The following GNG7 variants were observed in gnomAD, a reference collection of about 807,000 sequenced individuals.
The protein encoded by GNG7 is G protein subunit gamma 7.
A neutral mutation model predicts 4.0 loss-of-function variants in GNG7; 1 was observed. That is an observed-to-expected ratio of 0.25 (90% confidence interval 0.09 to 1.18). The LOEUF is 1.18. Among genes scored for constraint, GNG7 ranks in the 50% most tolerant of loss-of-function variants. GNG7 has a pLI of 0.50. For synonymous variants in GNG7, 34 were observed against 36.9 expected, an observed-to-expected ratio of 0.92 and a Z score of 0.29; for missense variants, 86 against 91.9, an observed-to-expected ratio of 0.94 and a Z score of 0.26.
At chr19:2,604,892 A>G (rs1981331734) in intron 2 of GNG7, among the ~76,000 whole-genome samples, 1 of 152,214 alleles carries the variant, frequency 6.6e-6, no homozygotes, top group African/African-American at 2.4e-5. Flanking sequence ...AAATCCTGGG[A>G]TGAACTAGAT....
At chr19:2,586,982 C>G (rs1424119756) in intron 2 of GNG7, among the ~76,000 whole-genome samples, 2 of 76,236 alleles carry the variant, frequency 2.6e-5, no homozygotes, top group East Asian at 8.9e-4. Context: ...GGGACTCCAT[C>G]TCAAAAAAAA....
At chr19:2,576,787 G>A (rs540722380) in intron 2 of GNG7, among the ~76,000 whole-genome samples, 42 of 152,208 alleles carry the variant, frequency 2.8e-4, no homozygotes, top group Non-Finnish European at 5.6e-4. Flanking sequence ...GAACGCAAGC[G>A]ATCCTGCTGC....
chr19:2,549,688 ACTGCAGCTACCACCG>A (rs1344892249), intron 3 of GNG7, among the ~76,000 whole-genome samples: 2 of 151,614 alleles, frequency 1.3e-5, no homozygotes, highest in Admixed American at 6.6e-5. Context: ...GAGAGACACC[ACTGCAGCTACCACCG>A]CTGCAGCTAC....
At chr19:2,608,722 G>C (rs1282963620) in intron 2 of GNG7, among the ~76,000 whole-genome samples, 1 of 152,214 alleles carries the variant, frequency 6.6e-6, no homozygotes, top group Non-Finnish European at 1.5e-5. Flanking sequence ...CAGACACGGA[G>C]GACACACTCT....
At chr19:2,525,348 C>T (rs1302955587) in intron 3 of GNG7, among the ~76,000 whole-genome samples, 1 of 152,194 alleles carries the variant, frequency 6.6e-6, no homozygotes, top group Non-Finnish European at 1.5e-5. Context: ...AGGCCAGGCT[C>T]TCCAAAAATA....
At chr19:2,515,918 C>T (rs866472673) in intron 4 of GNG7, among the ~76,000 whole-genome samples, 1 of 151,654 alleles carries the variant, frequency 6.6e-6, no homozygotes, top group African/African-American at 2.4e-5. Flanking sequence ...TAGTGGTAAA[C>T]TTTATATGTG....
Position 2,535,276 on chromosome 19 carries a change from C to G in GNG7, c.-37-14551G>C, listed in dbSNP as rs1218268209. Among the ~76,000 whole-genome samples the G allele has an allele frequency of 2.7e-5, 4 of 150,478 alleles. No homozygotes were observed. The East Asian group carries it at 7.8e-4, about 29-fold the overall frequency. ...GGCTGAGGCAGGAGGATCACTTGAG[C>G]CCAAGAGTTCGAGACCAGCCTGGGC... On this transcript the variant is annotated intron_variant, in intron 3 of 4. Coordinates refer to ENST00000382159, the MANE Select transcript of GNG7 (RefSeq NM_052847.3).
At chr19:2,615,637 G>C (rs1228817652) in intron 2 of GNG7, among the ~76,000 whole-genome samples, 1 of 150,310 alleles carries the variant, frequency 6.7e-6, no homozygotes. Context: ...TAATTTTTTT[G>C]TATTTTTAGT....
intron 1 of GNG7, among the ~76,000 whole-genome samples, chr19:2,689,760 G>A (rs1913091383): frequency 6.6e-6 from 1 of 151,568 alleles, no homozygotes; most frequent in Non-Finnish European, 1.5e-5. Flanking sequence ...GTCCCAGCAT[G>A]ACCACTAACT....
At chr19:2,576,010 C>CACAAAG (rs1980324935) in intron 2 of GNG7, among the ~76,000 whole-genome samples, 1 of 93,134 alleles carries the variant, frequency 1.1e-5, no homozygotes, top group African/African-American at 5.9e-5. Context: ...CTCAGGTACA[C>CACAAAG]GCAGACATGC....
At chr19:2,680,006 C>G (rs764837947) in intron 1 of GNG7, among the ~76,000 whole-genome samples, 1 of 152,124 alleles carries the variant, frequency 6.6e-6, no homozygotes, top group African/African-American at 2.4e-5. Context: ...AAAACAGGAC[C>G]GTCTTCTTAC....
intron 2 of GNG7, among the ~76,000 whole-genome samples, chr19:2,570,596 G>A (rs1231384131): frequency 6.6e-6 from 1 of 152,098 alleles, no homozygotes; most frequent in Non-Finnish European, 1.5e-5. Flanking sequence ...AAATCCCTAA[G>A]GACGCAGCCC....
In GNG7 at chr19:2,512,833, C is replaced by CT. The variant is rs1972674553; in HGVS notation, c.*2188dup. The CT allele has an allele frequency of 3.3e-6, 3 of 922,992 alleles. No homozygotes were observed. The Admixed American group carries it at 1.9e-4, about 57-fold the overall frequency. 57.2% of individuals were successfully genotyped at this position (922,992 alleles called of 1,614,324 possible). A position where few individuals can be genotyped will look rare whatever the true frequency, so the allele number is the denominator to read the frequency against. On this transcript the variant is annotated 3_prime_UTR_variant, in exon 5 of 5. Coordinates refer to ENST00000382159, the MANE Select transcript of GNG7 (RefSeq NM_052847.3). The surrounding 1 kb of genome is among the most constrained non-coding windows in gnomAD (Gnocchi z 4.7). ...GTGGAGGCAGGCGGGCTCTCCCTGCCTGGGGTCCTCCCAGGGTCTCTGGAA... is the reference window on the plus strand; with the variant it reads ...GTGGAGGCAGGCGGGCTCTCCCTGCCTTGGGGTCCTCCCAGGGTCTCTGGAA...
At chr19:2,669,939 G>A (rs1045234496) in intron 1 of GNG7, among the ~76,000 whole-genome samples, 9 of 151,652 alleles carry the variant, frequency 5.9e-5, no homozygotes, top group Non-Finnish European at 8.8e-5. Context: ...GAACTCGGGA[G>A]GTAGAGGTTG....
At chr19:2,604,794 A>G (rs1164372767) in intron 2 of GNG7, among the ~76,000 whole-genome samples, 2 of 152,192 alleles carry the variant, frequency 1.3e-5, no homozygotes, top group Admixed American at 6.6e-5. Context: ...TGCTTTTCCC[A>G]GACAGAGATG....
intron 1 of GNG7, among the ~76,000 whole-genome samples, chr19:2,697,867 G>A (rs894275752): frequency 2.0e-5 from 3 of 152,172 alleles, no homozygotes; most frequent in African/African-American, 4.8e-5. Context: ...AGCTACTCGG[G>A]AGGCTGGGGC....
At chr19:2,644,681 C>G (rs1599438917) in intron 2 of GNG7, among the ~76,000 whole-genome samples, 1 of 152,136 alleles carries the variant, frequency 6.6e-6, no homozygotes, top group East Asian at 1.9e-4. Context: ...CTCTGTGGAT[C>G]GGCCCGTCCT....
chr19:2,656,019 C>T (rs925963355), intron 1 of GNG7, among the ~76,000 whole-genome samples: 42 of 126,772 alleles, frequency 3.3e-4, no homozygotes, highest in African/African-American at 1.2e-3. Flanking sequence ...AGTGAGACTC[C>T]GATTCAAAAC....
At chr19:2,601,424 T>C (rs1981195780) in intron 2 of GNG7, among the ~76,000 whole-genome samples, 1 of 152,172 alleles carries the variant, frequency 6.6e-6, no homozygotes, top group African/African-American at 2.4e-5. Context: ...CTCGTGCCTA[T>C]TGCAGATACA....
Sources: allele counts gnomAD v4.1 joint callset (sites outside exome capture counted in the v4.1 genomes callset), GRCh38; gene constraint gnomAD v4.1.1; non-coding constraint Gnocchi (gnomAD v3.1); transcripts MANE v1.5; gene names NCBI Gene and HGNC (gene_info 2026-07-23, HGNC 2026-07-21).